The following RALGPS1 variants were observed in gnomAD, a reference collection of about 807,000 sequenced individuals.
The protein encoded by RALGPS1 is ras-specific guanine nucleotide-releasing factor RalGPS1.
In RALGPS1, 19 loss-of-function variants were observed where a neutral mutation model predicts 78.8. That is an observed-to-expected ratio of 0.24 (90% confidence interval 0.17 to 0.35). The LOEUF is 0.35. RALGPS1 is among the 10% of genes least tolerant of loss of function. RALGPS1 has a pLI of 1.00. For synonymous variants in RALGPS1, 228 were observed against 256.3 expected (o/e 0.89, Z 1.06); for missense variants, 454 against 688.3 (o/e 0.66, Z 3.81).
chr9:126,961,294 A>G (rs2038879943), intron 1 of RALGPS1, among the ~76,000 whole-genome samples: 1 of 152,164 alleles, frequency 6.6e-6, no homozygotes, highest in South Asian at 2.1e-4. Flanking sequence ...ATAATGAGAT[A>G]TCTGCCTCCC....
intron 8 of RALGPS1, among the ~76,000 whole-genome samples, chr9:127,149,063 A>G (rs1433973695): frequency 6.6e-6 from 1 of 152,224 alleles, no homozygotes; most frequent in Non-Finnish European, 1.5e-5. Flanking sequence ...ACAGAGGCCA[A>G]AACTGAGGAC....
chr9:126,985,810 CA>C (rs2041743816), intron 4 of RALGPS1, among the ~76,000 whole-genome samples: 1 of 152,170 alleles, frequency 6.6e-6, no homozygotes, highest in African/African-American at 2.4e-5. Flanking sequence ...AGAGGGTCTG[CA>C]TACTGAGATA....
intron 8 of RALGPS1, among the ~76,000 whole-genome samples, chr9:127,098,831 A>C (rs2053431001): frequency 1.3e-5 from 2 of 152,218 alleles, no homozygotes; most frequent in South Asian, 4.1e-4. Context: ...CCAGGCAAGC[A>C]TAACTTCCTA....
chr9:126,945,806 T>C (rs964626086), intron 1 of RALGPS1, among the ~76,000 whole-genome samples: 1 of 152,236 alleles, frequency 6.6e-6, no homozygotes, highest in Non-Finnish European at 1.5e-5. Flanking sequence ...GTTCCTGCTT[T>C]CTGCTTCTGT....
intron 8 of RALGPS1, among the ~76,000 whole-genome samples, chr9:127,163,318 A>G (rs2059122289): frequency 6.6e-6 from 1 of 152,142 alleles, no homozygotes; most frequent in Non-Finnish European, 1.5e-5. Flanking sequence ...AATTGTGCAC[A>G]TGTACCCTAA....
intron 8 of RALGPS1, among the ~76,000 whole-genome samples, chr9:127,104,461 C>T (rs910354567): frequency 2.6e-5 from 4 of 152,208 alleles, no homozygotes; most frequent in Admixed American, 2.6e-4. Flanking sequence ...ATAGGTGGGG[C>T]AGAGGACCAC....
At chr9:127,202,411 G>A (rs77109311) in intron 14 of RALGPS1, among the ~76,000 whole-genome samples, 1 of 152,200 alleles carries the variant, frequency 6.6e-6, no homozygotes, top group African/African-American at 2.4e-5. Context: ...CATAGTGTTC[G>A]GCCATAAAGA....
In RALGPS1 at chr9:127,218,709, C is replaced by CT. The variant is rs778517788; in HGVS notation, c.1645-28dup. 1 of 1,611,820 alleles carries CT rather than the reference C, an allele frequency of 6.2e-7. No homozygotes were observed. Among genetic ancestry groups the CT allele is most frequent in the South Asian group, 1.1e-5 (1 of 91,024 alleles). On this transcript the variant is annotated intron_variant, in intron 18 of 18. Transcript: ENST00000259351. The surrounding 1 kb of genome is among the most constrained non-coding windows in gnomAD (Gnocchi z 4.4). ...CCCTTGTCCTTCTCTGAGGTCGGAA[C>CT]TTTAACAAGAGGCTGAGCTTTCTCT...
intron 11 of RALGPS1, among the ~76,000 whole-genome samples, chr9:127,180,237 T>G: frequency 6.6e-6 from 1 of 152,246 alleles, no homozygotes; most frequent in Middle Eastern, 3.2e-3. Context: ...TTTCCAGATT[T>G]TGTTAGCCCC....
At chr9:126,955,725 A>G (rs1340420175) in intron 1 of RALGPS1, among the ~76,000 whole-genome samples, 1 of 152,240 alleles carries the variant, frequency 6.6e-6, no homozygotes, top group Non-Finnish European at 1.5e-5. Flanking sequence ...AGAAGGGTCT[A>G]GGACAGAAAA....
chr9:126,949,882 C>G (rs1564294394), intron 1 of RALGPS1, among the ~76,000 whole-genome samples: 1 of 152,142 alleles, frequency 6.6e-6, no homozygotes, highest in African/African-American at 2.4e-5. Flanking sequence ...ACATGAAGTC[C>G]TTGCCCATGC....
At chr9:126,976,216 T>C (rs371262424) in intron 3 of RALGPS1, among the ~76,000 whole-genome samples, 18 of 152,250 alleles carry the variant, frequency 1.2e-4, no homozygotes, top group African/African-American at 4.3e-4. Flanking sequence ...AGCTTATGTA[T>C]TGGTCAGGAA....
chr9:127,156,500 G>A (rs2058716340), intron 8 of RALGPS1, among the ~76,000 whole-genome samples: 1 of 152,084 alleles, frequency 6.6e-6, no homozygotes, highest in African/African-American at 2.4e-5. Flanking sequence ...TCTTGTTTTA[G>A]TTTGTAATTC....
In RALGPS1 at chr9:127,174,234, C is replaced by CAG. The variant is rs1207680484; in HGVS notation, c.843-467_843-466dup. ...CTCCATCAAAAGAAAGAAAGAAAGA[C>CAG]AGAGAGAGAGAGAGAAAAGAAAGAA... On this transcript the variant is annotated intron_variant, in intron 10 of 18. Transcript: ENST00000259351. Among the ~76,000 whole-genome samples, 535 of 118,342 alleles carry CAG rather than the reference C, an allele frequency of 4.5e-3. 1 individual carries two copies. Among genetic ancestry groups the CAG allele is most frequent in the African/African-American group, 0.016 (502 of 32,010 alleles). The allele number at this position is 118,342 out of a possible 152,430, so 77.6% of individuals were successfully genotyped here. A position where few individuals can be genotyped will look rare whatever the true frequency, so the allele number is the denominator to read the frequency against.
At chr9:126,996,984 G>A (rs958898248) in intron 4 of RALGPS1, among the ~76,000 whole-genome samples, 12 of 148,122 alleles carry the variant, frequency 8.1e-5, no homozygotes, top group African/African-American at 2.6e-4. Flanking sequence ...ATTCAACAAC[G>A]CTTCATGCTA....
At chr9:127,064,133 T>C (rs1228433902) in intron 7 of RALGPS1, among the ~76,000 whole-genome samples, 3 of 152,246 alleles carry the variant, frequency 2.0e-5, no homozygotes, top group Non-Finnish European at 2.9e-5. Context: ...TTCTAAACTT[T>C]ACTAGAAGTG....
chr9:127,212,579 AC>A lies in RALGPS1; in HGVS notation c.1354-43del, dbSNP rs1564806390. 7.3e-7 allele frequency: 1 copy of A among 1,366,372 alleles called. No homozygotes were observed. The allele number at this position is 1,366,372 out of a possible 1,614,324, so 84.6% of individuals were successfully genotyped here. Reference sequence around the variant, plus strand: ...GTCTGTAATCGGCCAGGGATCCTCTACCCCCACGACCCCTGGTGGCATCACT... The same window carrying A: ...GTCTGTAATCGGCCAGGGATCCTCTACCCCACGACCCCTGGTGGCATCACT... On this transcript the variant is annotated intron_variant, in intron 15 of 18. Coordinates refer to ENST00000259351, the MANE Select transcript of RALGPS1 (RefSeq NM_014636.3). This position sits in a 1 kb window ranked among gnomAD's most constrained non-coding sequence, Gnocchi z 6.0.
At chr9:127,027,461 CATT>C (rs1377676835) in intron 4 of RALGPS1, among the ~76,000 whole-genome samples, 1 of 152,102 alleles carries the variant, frequency 6.6e-6, no homozygotes, top group Non-Finnish European at 1.5e-5. Flanking sequence ...TTCATGGTCT[CATT>C]AAGAGTTATA....
intron 4 of RALGPS1, among the ~76,000 whole-genome samples, chr9:127,002,007 G>A (rs1205325903): frequency 6.6e-6 from 1 of 152,094 alleles, no homozygotes; most frequent in Non-Finnish European, 1.5e-5. Context: ...CATATAATCA[G>A]GTACACAAAT....
Sources: gnomAD v4.1 joint callset for allele counts (sites outside exome capture counted in the v4.1 genomes callset) on GRCh38, gnomAD v4.1.1 for gene constraint, Gnocchi (gnomAD v3.1) non-coding constraint, MANE v1.5 for transcripts, NCBI Gene and HGNC (gene_info 2026-07-23, HGNC 2026-07-21) for gene names.